Variants in MIPOL1 observed in about 807,000 individuals in gnomAD.
MIPOL1 encodes mirror-image polydactyly 1, also known as mirror-image polydactyly gene 1 protein.
A neutral mutation model predicts 60.9 loss-of-function variants in MIPOL1; 57 were observed. That is an observed-to-expected ratio of 0.94 (90% CI 0.76 to 1.17). The LOEUF is 1.17. MIPOL1 is among the 50% of genes most tolerant of loss of function. The probability of loss-of-function intolerance (pLI) is 0.00; values close to 1 mark genes in which losing one functional copy is unlikely to be tolerated. For missense variants in MIPOL1, 551 were observed against 511.6 expected (o/e 1.08, Z -0.74); for synonymous variants, 179 against 168.8 (o/e 1.06, Z -0.47).
At chr14:37,354,261 G>A (rs1274458980) in intron 9 of MIPOL1, among the ~76,000 whole-genome samples, 1 of 150,370 alleles carries the variant, frequency 6.7e-6, no homozygotes, top group East Asian at 2.0e-4. Flanking sequence ...ATTGCACTGT[G>A]GTCTGAGAGA....
rs4337211 is a variant in MIPOL1, at chr14:37,337,323, T to C, written c.828+28804T>C. Among the ~76,000 whole-genome samples the C allele has an allele frequency of 8.6e-5, 10 of 116,666 alleles. No individual in the cohort carries two copies. The South Asian group carries it at 2.2e-3, about 26-fold the overall frequency. 76.5% of individuals were successfully genotyped at this position (116,666 alleles called of 152,430 possible). A position where few individuals can be genotyped will look rare whatever the true frequency, so the allele number is the denominator to read the frequency against. Reference sequence around the variant, plus strand: ...TTTTCCTTTGCTTATTGTTCATTTGTAAACATATATATATATATATATATA... The same window carrying C: ...TTTTCCTTTGCTTATTGTTCATTTGCAAACATATATATATATATATATATA... On this transcript the variant is annotated intron_variant, in intron 9 of 12. Coordinates refer to ENST00000684589, the MANE Select transcript of MIPOL1 (RefSeq NM_001388067.1).
chr14:37,407,588 C>G (rs2093608826), intron 10 of MIPOL1, among the ~76,000 whole-genome samples: 1 of 152,026 alleles, frequency 6.6e-6, no homozygotes, highest in African/African-American at 2.4e-5. Context: ...TCAACTGAAC[C>G]ACACCAGCTG....
At chr14:37,417,446 A>G (rs763969231) in intron 10 of MIPOL1, among the ~76,000 whole-genome samples, 4 of 152,192 alleles carry the variant, frequency 2.6e-5, no homozygotes, top group Middle Eastern at 3.2e-3. Flanking sequence ...ACCTCTAAGG[A>G]ATCAGCTGTA....
intron 1 of MIPOL1, among the ~76,000 whole-genome samples, chr14:37,200,758 T>A (rs1965114304): frequency 1.3e-5 from 2 of 151,480 alleles, no homozygotes; most frequent in Non-Finnish European, 2.9e-5. Context: ...GAAAAATGTT[T>A]GTTCAATTTT....
chr14:37,371,955 TGTAA>T (rs1189317964), intron 10 of MIPOL1, among the ~76,000 whole-genome samples: 1 of 152,162 alleles, frequency 6.6e-6, no homozygotes, highest in Admixed American at 6.5e-5. Context: ...ACAACTTATT[TGTAA>T]GTATCATTTT....
intron 10 of MIPOL1, 83 bp downstream of exon 10, chr14:37,369,707 T>C: frequency 1.0e-6 from 1 of 984,974 alleles, no homozygotes; most frequent in Non-Finnish European, 1.6e-6. Context: ...ATCAGTTGTG[T>C]ACATTTCAGC....
At chr14:37,454,755 T>C (rs1246953180) in intron 11 of MIPOL1, among the ~76,000 whole-genome samples, 2 of 152,184 alleles carry the variant, frequency 1.3e-5, no homozygotes, top group Non-Finnish European at 1.5e-5. Context: ...GTAAATAAAG[T>C]ATTGTCAAAG....
At chr14:37,405,627 C>T (rs1325382442) in intron 10 of MIPOL1, among the ~76,000 whole-genome samples, 1 of 151,828 alleles carries the variant, frequency 6.6e-6, no homozygotes, top group African/African-American at 2.4e-5. Context: ...TGGACATGGA[C>T]ACCTGAATAA....
intron 9 of MIPOL1, among the ~76,000 whole-genome samples, chr14:37,349,404 T>G (rs2091186512): frequency 6.6e-6 from 1 of 152,218 alleles, no homozygotes; most frequent in Admixed American, 6.5e-5. Context: ...GTAAAAGCCG[T>G]AGTCTTTACA....
intron 1 of MIPOL1, among the ~76,000 whole-genome samples, chr14:37,199,161 G>A (rs1185089785): frequency 2.6e-5 from 4 of 152,110 alleles, no homozygotes; most frequent in Non-Finnish European, 4.4e-5. Context: ...TGCATGAATC[G>A]TAAGTGTACA....
At chr14:37,349,200 C>T (rs1168202114) in intron 9 of MIPOL1, among the ~76,000 whole-genome samples, 1 of 151,936 alleles carries the variant, frequency 6.6e-6, no homozygotes, top group Non-Finnish European at 1.5e-5. Context: ...GTTGGCTAGG[C>T]TGGTCTCGTA....
At chr14:37,341,458 G>A (rs986915638) in intron 9 of MIPOL1, among the ~76,000 whole-genome samples, 2 of 152,184 alleles carry the variant, frequency 1.3e-5, no homozygotes, top group African/African-American at 4.8e-5. Flanking sequence ...CATAGACATT[G>A]TTAGGAATGA....
At chr14:37,536,749 C>G (rs1032690215) in intron 12 of MIPOL1, among the ~76,000 whole-genome samples, 4 of 152,158 alleles carry the variant, frequency 2.6e-5, no homozygotes, top group Admixed American at 2.0e-4. Context: ...TTTCATAGTT[C>G]TGTCCCATGA....
At chr14:37,288,661 T>C (rs959942854) in intron 7 of MIPOL1, among the ~76,000 whole-genome samples, 1 of 152,034 alleles carries the variant, frequency 6.6e-6, no homozygotes, top group African/African-American at 2.4e-5. Context: ...ATTTAAAAGA[T>C]GTAGCCTGAC....
At chr14:37,440,225 T>C (rs916227041) in intron 11 of MIPOL1, among the ~76,000 whole-genome samples, 2 of 152,246 alleles carry the variant, frequency 1.3e-5, no homozygotes, top group Non-Finnish European at 2.9e-5. Flanking sequence ...ATGTCTAATT[T>C]GTTTTAATCA....
chr14:37,548,895 TATG>T lies in MIPOL1; in HGVS notation c.*1927_*1929del, dbSNP rs1165162111. 5 of 151,984 alleles carry T rather than the reference TATG, an allele frequency of 3.3e-5. No homozygotes were observed. Among genetic ancestry groups the T allele is most frequent in the Non-Finnish European group, 7.4e-5 (5 of 67,848 alleles). The allele number at this position is 151,984 out of a possible 1,614,324, so 9.4% of individuals were successfully genotyped here. On this transcript the variant is annotated 3_prime_UTR_variant, in exon 13 of 13. Transcript: ENST00000684589. Reference sequence around the variant, plus strand: ...ATTAATATGCAGAACTTTTATAGAATATGATATTATAAAGTTAAATTTGCAAAA... The same window carrying T: ...ATTAATATGCAGAACTTTTATAGAATATATTATAAAGTTAAATTTGCAAAA...
chr14:37,259,361 C>T (rs1274523668), intron 3 of MIPOL1, among the ~76,000 whole-genome samples: 8 of 151,812 alleles, frequency 5.3e-5, no homozygotes, highest in South Asian at 4.2e-4. Flanking sequence ...CCCAGGAGTT[C>T]GAGACCAGCC....
intron 11 of MIPOL1, among the ~76,000 whole-genome samples, chr14:37,485,879 A>C (rs1170062085): frequency 6.6e-6 from 1 of 151,810 alleles, no homozygotes; most frequent in Admixed American, 6.6e-5. Context: ...CCATTGCTTT[A>C]GTTGTTTTAG....
At chr14:37,506,459 A>G (rs199831241) in intron 12 of MIPOL1, 1 of 152,194 alleles carries the variant, frequency 6.6e-6, no homozygotes, top group East Asian at 1.9e-4. Context: ...ATCTACAACC[A>G]TCTGATCTTT....
Sources: allele counts gnomAD v4.1 joint callset (sites outside exome capture counted in the v4.1 genomes callset), GRCh38; gene constraint gnomAD v4.1.1; transcripts MANE v1.5; gene names NCBI Gene and HGNC (gene_info 2026-07-23, HGNC 2026-07-21).